Variants in IFI44L observed in about 807,000 individuals in gnomAD.
The protein encoded by IFI44L is interferon-induced protein 44-like.
A neutral mutation model predicts 39.3 loss-of-function variants in IFI44L; 40 were observed. The ratio of observed to expected loss-of-function variants is 1.02; its 90% CI spans 0.79 to 1.33. The LOEUF (loss-of-function observed/expected upper bound fraction) is 1.33. Ranked by LOEUF, IFI44L falls within the 40% of genes most tolerant of loss-of-function variation. The pLI is 0.00. For synonymous variants in IFI44L, 198 were observed against 182.3 expected (o/e 1.09, Z -0.69); for missense variants, 623 against 549.0 (o/e 1.13, Z -1.35).
At chr1:78,625,988 CT>C (rs1006242867) in intron 1 of IFI44L, 1 of 151,610 alleles carries the variant, frequency 6.6e-6, no homozygotes, top group African/African-American at 2.4e-5. Context: ...TATTATAGTA[CT>C]TTGAAAATTT....
intron 1 of IFI44L, among the ~76,000 whole-genome samples, chr1:78,624,273 G>C (rs935323700): frequency 2.6e-5 from 4 of 152,174 alleles, no homozygotes; most frequent in Non-Finnish European, 4.4e-5. Context: ...TGGGTTTACA[G>C]GTGTGAGTCA....
rs1647024903 is a variant in IFI44L at position 78,644,406 on chromosome 1, G to A, written c.*2597G>A. The A allele has an allele frequency of 6.6e-6, 1 of 152,172 alleles. No individual in the cohort carries two copies. The highest frequency in any genetic ancestry group is 1.5e-5 in the Non-Finnish European group (1 of 68,032). The allele number at this position is 152,172 out of a possible 1,614,324, so 9.4% of individuals were successfully genotyped here. On this transcript the variant is annotated 3_prime_UTR_variant, in exon 9 of 9. Transcript: ENST00000370751. ...TATCCCTTTTGTGCTAAAATGGACA[G>A]TATTGGCAAAATGATACCACAACTT...
rs1435442808 is a variant in IFI44L, at chr1:78,641,578, T to C, written c.1293T>C (p.Asp431=). 6 of 1,613,624 alleles carry C rather than the reference T, an allele frequency of 3.7e-6. No homozygotes were observed. Among genetic ancestry groups the C allele is most frequent in the East Asian group, 2.2e-5 (1 of 44,864 alleles). Residue 431 remains aspartate, a synonymous_variant, in exon 8 of 9, where the codon GAT becomes GAC. Coordinates refer to ENST00000370751, the MANE Select transcript of IFI44L (RefSeq NM_006820.4). ...ALRQMLRAAD[D]FLEDLPLEET... Reference sequence around the variant, plus strand: ...GGCAGATGCTGCGGGCTGCAGATGATTTTTTAGAAGATTTGCCTCTTGAGG... The same window carrying C: ...GGCAGATGCTGCGGGCTGCAGATGACTTTTTAGAAGATTTGCCTCTTGAGG...
In IFI44L at chr1:78,635,367, A is replaced by T. The variant is rs1652906439; in HGVS notation, c.754A>T (p.Asn252Tyr). 1 of 1,611,070 alleles carries T rather than the reference A, an allele frequency of 6.2e-7. No individual in the cohort carries two copies. The highest frequency in any genetic ancestry group is 8.5e-7 in the Non-Finnish European group (1 of 1,177,450). ...YRIYSVKDGK[N>Y]GKSLPFMLCD... ...GATATATTCTGTTAAAGATGGAAAA[A>T]ATGGAAAATCTCTGCCATTTATGTT... Residue 252 changes from asparagine (N) to tyrosine (Y), a missense_variant, in exon 5 of 9, where the codon AAT becomes TAT. Physicochemically the swap from Asn to Tyr is moderately radical, Grantham distance 143 (BLOSUM62 -2). Coordinates refer to ENST00000370751, the MANE Select transcript of IFI44L (RefSeq NM_006820.4).
intron 1 of IFI44L, among the ~76,000 whole-genome samples, chr1:78,625,240 T>C (rs1652441754): frequency 6.6e-6 from 1 of 152,152 alleles, no homozygotes; most frequent in Non-Finnish European, 1.5e-5. Flanking sequence ...TTCTTCAAAA[T>C]TTGGTAGAAT....
chr1:78,628,114 G>A lies in IFI44L; in HGVS notation c.199G>A (p.Gly67Arg), dbSNP rs771335343. Residue 67 changes from glycine to arginine, a missense_variant, in exon 2 of 9, where the codon GGA (glycine) becomes AGA (arginine). Transcript: ENST00000370751. ...DYNMIVAFML[G>R]NYINLHESST... ...CAATATGATTGTAGCCTTTATGCTT[G>A]GAAATTATATTAATTTACATGAAAG... The A allele has an allele frequency of 2.6e-5, 42 of 1,612,326 alleles. 1 individual carries two copies. The South Asian group carries it at 3.4e-4, about 13-fold the overall frequency.
chr1:78,633,746 A>T (rs1175887664), intron 4 of IFI44L, among the ~76,000 whole-genome samples: 1 of 152,204 alleles, frequency 6.6e-6, no homozygotes, highest in African/African-American at 2.4e-5. Context: ...AGAAATGGAG[A>T]TGTATGAACC....
At chr1:78,627,770 TA>T in intron 1 of IFI44L, 135 bp from the exon 2 acceptor site, 1 of 405,510 alleles carries the variant, frequency 2.5e-6, no homozygotes, top group Non-Finnish European at 4.3e-6. Context: ...ATTTTTGCTA[TA>T]TTTTTTGCCT....
chr1:78,633,460 G>A (rs753626044), intron 4 of IFI44L, among the ~76,000 whole-genome samples: 1 of 152,156 alleles, frequency 6.6e-6, no homozygotes, highest in Non-Finnish European at 1.5e-5. Context: ...TTAGTGACAC[G>A]GATGCCGCAG....
Position 78,641,087 on chromosome 1 carries a change from T to G in IFI44L, c.1115T>G (p.Leu372Ter). Residue 372 changes from leucine to a stop codon, truncating the protein, a stop_gained, in exon 7 of 9, where the codon TTA (leucine) becomes TGA (stop). Coordinates refer to ENST00000370751, the MANE Select transcript of IFI44L (RefSeq NM_006820.4). LOFTEE classifies it high-confidence loss of function. Reference protein sequence around the residue: ...DCSEVLQDNFLNMSRSMTSQS... With the variant: ...DCSEVLQDNF The stretch of plus-strand genomic sequence containing the variant: ...AGTGAGGTTCTTCAAGACAACTTTT[T>G]AAACATGAGTAGATCTATGACTTCT... The G allele has an allele frequency of 6.2e-7, 1 of 1,612,746 alleles. No individual in the cohort carries two copies. Among genetic ancestry groups the G allele is most frequent in the Non-Finnish European group, 8.5e-7 (1 of 1,179,032 alleles).
intron 2 of IFI44L, 118 bp from the exon 3 acceptor site, chr1:78,628,833 T>C: frequency 1.5e-6 from 1 of 665,508 alleles, no homozygotes; most frequent in South Asian, 1.9e-5. Flanking sequence ...GACTCCTAAC[T>C]GAGCAGCTCA....
chr1:78,642,001 C>A lies in IFI44L; in HGVS notation c.*192C>A. On this transcript the variant is annotated 3_prime_UTR_variant, in exon 9 of 9. Coordinates refer to ENST00000370751, the MANE Select transcript of IFI44L (RefSeq NM_006820.4). The stretch of plus-strand genomic sequence containing the variant: ...GGCTAAGATAGGTCCTACTGCAAAC[C>A]ACCCCTCCATATTTCCGTACCATTT... 1.6e-6 allele frequency: 1 copy of A among 642,314 alleles called. No homozygotes were observed. The highest frequency in any genetic ancestry group is 2.8e-6 in the Non-Finnish European group (1 of 355,590). 39.8% of individuals were successfully genotyped at this position (642,314 alleles called of 1,614,324 possible).
rs770517337 is a variant in IFI44L, at chr1:78,628,287, A to C, written c.372A>C (p.Ile124=). The C allele has an allele frequency of 6.2e-7, 1 of 1,606,022 alleles. No homozygotes were observed. Among genetic ancestry groups the C allele is most frequent in the Non-Finnish European group, 8.5e-7 (1 of 1,174,214 alleles). Residue 124 remains isoleucine, a synonymous_variant, in exon 2 of 9, where the codon ATA becomes ATC. Transcript: ENST00000370751. ...TATCGAAAACGGATATTTTCATTATATGTCGAGATAATAAAATTTATCTAG... is the reference window on the plus strand; with the variant it reads ...TATCGAAAACGGATATTTTCATTATCTGTCGAGATAATAAAATTTATCTAG... ...CRLSKTDIFI[I]CRDNKIYLDK...
chr1:78,641,045 C>A lies in IFI44L; in HGVS notation c.1073C>A (p.Thr358Asn). The change falls in exon 7 of 9, where the codon ACT becomes AAT. Residue 358 changes from threonine (T) to asparagine (N), a missense_variant. Thr to Asn is a moderately conservative substitution (Grantham distance 65). Transcript: ENST00000370751. ...GGTATAGCATATGTGGCCTTGCTTA[C>A]TAAAGTGGATGATTGCAGTGAGGTT... ...NCGIAYVALL[T>N]KVDDCSEVLQ... is the part of the protein sequence containing the mutation. 1 of 1,612,112 alleles carries A rather than the reference C, an allele frequency of 6.2e-7. No individual in the cohort carries two copies. The highest frequency in any genetic ancestry group is 1.1e-5 in the South Asian group (1 of 91,036).
At chr1:78,630,208 C>T (rs1036032604) in intron 4 of IFI44L, 20 of 267,692 alleles carry the variant, frequency 7.5e-5, no homozygotes, top group African/African-American at 4.3e-4. Flanking sequence ...ATATGATGTT[C>T]ATTTTACTCA....
intron 8 of IFI44L, 21 bp downstream of exon 8, chr1:78,641,630 C>G (rs1441348041): frequency 8.1e-6 from 13 of 1,612,302 alleles, no homozygotes; most frequent in South Asian, 3.3e-5. Flanking sequence ...CCTTTTCTCC[C>G]CCTGTCATAG....
rs1305593006 is a variant in IFI44L at position 78,642,786 on chromosome 1, C to T, written c.*977C>T. On this transcript the variant is annotated 3_prime_UTR_variant, in exon 9 of 9. Coordinates refer to ENST00000370751, the MANE Select transcript of IFI44L (RefSeq NM_006820.4). Reference sequence around the variant, plus strand: ...ATTTCTATGGGAAAAAATAAATATTCCTCTTCTAACAAACCCATGCTTGAT... The same window carrying T: ...ATTTCTATGGGAAAAAATAAATATTTCTCTTCTAACAAACCCATGCTTGAT... The T allele has an allele frequency of 6.6e-6, 1 of 151,908 alleles. No individual in the cohort carries two copies. Among genetic ancestry groups the T allele is most frequent in the African/African-American group, 2.4e-5 (1 of 41,342 alleles). 9.4% of individuals were successfully genotyped at this position (151,908 alleles called of 1,614,324 possible).
rs1040485780 is a variant in IFI44L at position 78,625,071 on chromosome 1, CT to C, written c.-10-2823del. 8.5e-3 allele frequency among the ~76,000 whole-genome samples: 1,200 copies of C among 141,474 alleles called. 11 individuals are homozygous for C. Among genetic ancestry groups the C allele is most frequent in the African/African-American group, 0.023 (893 of 38,922 alleles). 92.8% of individuals were successfully genotyped at this position (141,474 alleles called of 152,430 possible). Reference sequence around the variant, plus strand: ...AGTATTATCCTTCTTTCTTTCCTTCCTTTTTTTTTTTTGGTTTGCTAATATT... The same window carrying C: ...AGTATTATCCTTCTTTCTTTCCTTCCTTTTTTTTTTTGGTTTGCTAATATT... On this transcript the variant is annotated intron_variant, in intron 1 of 8. Coordinates refer to ENST00000370751, the MANE Select transcript of IFI44L (RefSeq NM_006820.4).
At chr1:78,634,320 T>C (rs1318025274) in intron 4 of IFI44L, among the ~76,000 whole-genome samples, 1 of 152,006 alleles carries the variant, frequency 6.6e-6, no homozygotes, top group East Asian at 1.9e-4. Flanking sequence ...TTCTGAAAAC[T>C]GGAAGATAAA....
Sources: gnomAD v4.1 joint callset for allele counts (sites outside exome capture counted in the v4.1 genomes callset) on GRCh38, gnomAD v4.1.1 for gene constraint, MANE v1.5 for transcripts, NCBI Gene and HGNC (gene_info 2026-07-23, HGNC 2026-07-21) for gene names.